ITGB8: variants seen among roughly 807,000 people sequenced by gnomAD.
The protein encoded by ITGB8 is integrin beta-8.
In ITGB8, 30 loss-of-function variants were observed where a neutral mutation model predicts 89.5. The observed-to-expected ratio is 0.34, with a 90% CI of 0.25 to 0.45. The LOEUF (loss-of-function observed/expected upper bound fraction) is 0.45, where lower values mean the gene tolerates loss of function less well. ITGB8 is among the 20% of genes least tolerant of loss of function. The pLI is 1.00. For synonymous variants in ITGB8, 335 were observed against 320.4 expected, an observed-to-expected ratio of 1.05 and a Z score of -0.49; for missense variants, 836 against 933.3, an observed-to-expected ratio of 0.90 and a Z score of 1.36.
intron 3 of ITGB8, among the ~76,000 whole-genome samples, chr7:20,371,942 T>A (rs961358968): frequency 6.6e-6 from 1 of 152,218 alleles, no homozygotes; most frequent in Non-Finnish European, 1.5e-5. Flanking sequence ...CTGCTATTTG[T>A]TTAGTCCATT....
At position 20,409,681 on chromosome 7, in the gene ITGB8, G is replaced by T; in HGVS notation, c.2090G>T (p.Gly697Val). The T allele has an allele frequency of 2.5e-6, 4 of 1,610,670 alleles. No homozygotes were observed. Among genetic ancestry groups the T allele is most frequent in the South Asian group, 1.1e-5 (1 of 90,698 alleles). ...FIIFIVTFLI[G>V]LLKVLIIRQV... ...ATTTTCATAGTTACATTCTTGATTG[G>T]GTTGCTTAAAGTCCTGATCATTAGA... The change falls in exon 13 of 14, where the codon GGG becomes GTG. Residue 697 changes from glycine (G) to valine (V), a missense_variant. By Grantham distance (109) the Gly-to-Val change is moderately radical. This residue lies in a region of ITGB8 where 422 missense variants were observed against 416.9 expected (regional missense o/e 1.01). Coordinates refer to ENST00000222573, the MANE Select transcript of ITGB8 (RefSeq NM_002214.3).
intron 1 of ITGB8, among the ~76,000 whole-genome samples, chr7:20,363,070 T>C (rs1010785917): frequency 5.3e-5 from 8 of 152,226 alleles, no homozygotes; most frequent in Non-Finnish European, 1.2e-4. Flanking sequence ...TGCCAGTATG[T>C]CTGGTTCTGG....
intron 1 of ITGB8, among the ~76,000 whole-genome samples, chr7:20,362,460 T>C (rs1001728823): frequency 6.6e-6 from 1 of 152,214 alleles, no homozygotes; most frequent in Non-Finnish European, 1.5e-5. Context: ...AGATACTAAA[T>C]GTGACTGCCT....
chr7:20,363,323 A>G (rs1221676669), intron 1 of ITGB8, among the ~76,000 whole-genome samples: 1 of 152,226 alleles, frequency 6.6e-6, no homozygotes, highest in African/African-American at 2.4e-5. Flanking sequence ...AAAAATGTGG[A>G]AGGTCCTTGT....
At chr7:20,390,307 A>C (rs1183549053) in intron 6 of ITGB8, among the ~76,000 whole-genome samples, 1 of 152,162 alleles carries the variant, frequency 6.6e-6, no homozygotes, top group Non-Finnish European at 1.5e-5. Flanking sequence ...ACTGCCAGTG[A>C]ACTTTAACAT....
rs1043748847 is a variant in ITGB8, at chr7:20,415,442, A to T, written c.*5445A>T. 17 of 152,446 alleles carry T rather than the reference A, an allele frequency of 1.1e-4. No individual in the cohort carries two copies. Among genetic ancestry groups the T allele is most frequent in the Non-Finnish European group, 2.2e-4 (15 of 67,916 alleles). 9.4% of individuals were successfully genotyped at this position (152,446 alleles called of 1,614,324 possible). ...CTAAGAAAGAAGCAAATTATCACTGAACATATTTCTTATTATTTCTGGCTT... is the reference window on the plus strand; with the variant it reads ...CTAAGAAAGAAGCAAATTATCACTGTACATATTTCTTATTATTTCTGGCTT... On this transcript the variant is annotated 3_prime_UTR_variant, in exon 14 of 14. Coordinates refer to ENST00000222573, the MANE Select transcript of ITGB8 (RefSeq NM_002214.3).
At chr7:20,372,640 G>A (rs982234503) in intron 3 of ITGB8, among the ~76,000 whole-genome samples, 2 of 152,140 alleles carry the variant, frequency 1.3e-5, no homozygotes, top group Non-Finnish European at 2.9e-5. Context: ...AACGCAGTGG[G>A]GAAGAGATCA....
chr7:20,348,688 T>G (rs1040412015), intron 1 of ITGB8, among the ~76,000 whole-genome samples: 1 of 152,180 alleles, frequency 6.6e-6, no homozygotes, highest in African/African-American at 2.4e-5. Flanking sequence ...CATTGCAAAT[T>G]TAGCCGTTTC....
Position 20,410,344 on chromosome 7 carries a change from C to CT in ITGB8, c.*348dup. 1 of 229,324 alleles carries CT rather than the reference C, an allele frequency of 4.4e-6. No homozygotes were observed. 14.2% of individuals were successfully genotyped at this position (229,324 alleles called of 1,614,324 possible). ...CCTACGCTTCCCAGAGAGAACAATG[C>CT]TGTGAGAGAGTTTAGCATTGTGTCA... On this transcript the variant is annotated 3_prime_UTR_variant, in exon 14 of 14. Transcript: ENST00000222573.
intron 1 of ITGB8, among the ~76,000 whole-genome samples, chr7:20,353,708 C>T (rs955437174): frequency 1.4e-5 from 2 of 146,930 alleles, no homozygotes; most frequent in African/African-American, 5.4e-5. Flanking sequence ...CCGAGGCGGG[C>T]GGATCACGAG....
chr7:20,378,561 A>C (rs1786248931), intron 3 of ITGB8, among the ~76,000 whole-genome samples: 1 of 152,236 alleles, frequency 6.6e-6, no homozygotes, highest in South Asian at 2.1e-4. Flanking sequence ...AATACACTTT[A>C]ACCCAAAGGA....
chr7:20,357,827 T>C (rs1785350250), intron 1 of ITGB8, among the ~76,000 whole-genome samples: 4 of 152,212 alleles, frequency 2.6e-5, no homozygotes, highest in Admixed American at 2.0e-4. Context: ...TGAGAAAATA[T>C]AAGACACACA....
At position 20,410,169 on chromosome 7, in the gene ITGB8, C is replaced by A; in HGVS notation, c.*172C>A. 1 of 644,044 alleles carries A rather than the reference C, an allele frequency of 1.6e-6. No individual in the cohort carries two copies. The allele number at this position is 644,044 out of a possible 1,614,324, so 39.9% of individuals were successfully genotyped here. On this transcript the variant is annotated 3_prime_UTR_variant, in exon 14 of 14. Transcript: ENST00000222573. ...CCTCATCATGATGTGACTCACATAGCTGCTGACTTTTTCAGAGAAAAATGT... is the reference window on the plus strand; with the variant it reads ...CCTCATCATGATGTGACTCACATAGATGCTGACTTTTTCAGAGAAAAATGT...
At chr7:20,331,983 G>A in intron 1 of ITGB8, 50 bp downstream of exon 1, 1 of 1,591,668 alleles carries the variant, frequency 6.3e-7, no homozygotes, top group Non-Finnish European at 8.6e-7. Context: ...AAAGGTCTTG[G>A]GCTGGCACGA....
chr7:20,409,995 T>TA lies in ITGB8; in HGVS notation c.*5dup. Residue 770 remains the stop codon, a frameshift_variant and stop_retained_variant, in exon 14 of 14, where the codon TAA becomes TAAA. Coordinates refer to ENST00000222573, the MANE Select transcript of ITGB8 (RefSeq NM_002214.3). LOFTEE classifies it high-confidence loss of function. ...NAHETFRCNF[*] ...TCATGAAACTTTCAGGTGCAACTTCTAAAAAAAGATTTTTAAACACTTAAT... is the reference window on the plus strand; with the variant it reads ...TCATGAAACTTTCAGGTGCAACTTCTAAAAAAAAGATTTTTAAACACTTAAT... The TA allele has an allele frequency of 6.2e-7, 1 of 1,604,708 alleles. No homozygotes were observed. The highest frequency in any genetic ancestry group is 8.5e-7 in the Non-Finnish European group (1 of 1,177,352).
intron 12 of ITGB8, among the ~76,000 whole-genome samples, chr7:20,409,204 C>A (rs1213385011): frequency 6.6e-6 from 1 of 152,174 alleles, no homozygotes; most frequent in East Asian, 1.9e-4. Flanking sequence ...CCCAGAACTG[C>A]TCAATAATTT....
chr7:20,332,857 G>A (rs1215596571), intron 1 of ITGB8, among the ~76,000 whole-genome samples: 1 of 151,768 alleles, frequency 6.6e-6, no homozygotes, highest in Non-Finnish European at 1.5e-5. Flanking sequence ...TTTAGGATGA[G>A]TTCTTAATGG....
rs1159141212 is a variant in ITGB8 at position 20,380,663 on chromosome 7, C to T, written c.636-3C>T. ...ACTTTACACTTCTTCTTTTCCCACA[C>T]AGTGACTACAATTTAGACTGCATGC... On this transcript the variant is annotated splice_region_variant and splice_polypyrimidine_tract_variant and intron_variant, in intron 4 of 13. Coordinates refer to ENST00000222573, the MANE Select transcript of ITGB8 (RefSeq NM_002214.3). 2 of 1,611,146 alleles carry T rather than the reference C, an allele frequency of 1.2e-6. No individual in the cohort carries two copies. Among genetic ancestry groups the T allele is most frequent in the African/African-American group, 1.3e-5 (1 of 74,864 alleles).
At chr7:20,359,498 G>A (rs924046610) in intron 1 of ITGB8, among the ~76,000 whole-genome samples, 1 of 152,218 alleles carries the variant, frequency 6.6e-6, no homozygotes, top group African/African-American at 2.4e-5. Context: ...CTGGAAAGTA[G>A]TTTTCTTGTA....
Sources: gnomAD v4.1 joint callset for allele counts (sites outside exome capture counted in the v4.1 genomes callset) on GRCh38, gnomAD v4.1.1 for gene constraint, gnomAD v4.1.1 regional missense constraint, MANE v1.5 for transcripts, NCBI Gene and HGNC (gene_info 2026-07-23, HGNC 2026-07-21) for gene names.